CBLB: variants seen among roughly 807,000 people sequenced by gnomAD.
The protein encoded by CBLB is Cbl proto-oncogene B.
CBLB carries 31 observed loss-of-function variants against 104.9 expected under a neutral mutation model. The ratio of observed to expected loss-of-function variants is 0.30; its 90% confidence interval spans 0.22 to 0.40. CBLB has a LOEUF of 0.40. Among genes scored for constraint, CBLB ranks in the 10% least tolerant of loss-of-function variants. CBLB has a pLI of 1.00. For synonymous variants in CBLB, 440 were observed against 422.6 expected, an observed-to-expected ratio of 1.04 and a Z score of -0.51; for missense variants, 1,062 against 1,214.6, an observed-to-expected ratio of 0.87 and a Z score of 1.87.
intron 3 of CBLB, among the ~76,000 whole-genome samples, chr3:105,836,942 T>G (rs577516901): frequency 2.1e-5 from 3 of 144,288 alleles, no homozygotes; most frequent in African/African-American, 7.7e-5. Flanking sequence ...AAAGCTGATA[T>G]GCTCACATCA....
intron 17 of CBLB, among the ~76,000 whole-genome samples, chr3:105,675,216 C>T (rs188640758): frequency 6.6e-6 from 1 of 152,264 alleles, no homozygotes; most frequent in East Asian, 1.9e-4. Flanking sequence ...TATCATTACA[C>T]CAGACTAAGA....
chr3:105,780,704 C>T (rs2080154371), intron 3 of CBLB, among the ~76,000 whole-genome samples: 1 of 121,172 alleles, frequency 8.3e-6, no homozygotes, highest in African/African-American at 3.1e-5. Context: ...GCTCTGTCAC[C>T]CAGGCTAGAG....
intron 9 of CBLB, among the ~76,000 whole-genome samples, chr3:105,724,878 G>A (rs1202718235): frequency 6.6e-6 from 1 of 152,028 alleles, no homozygotes; most frequent in Non-Finnish European, 1.5e-5. Flanking sequence ...CAAGAAAAAG[G>A]GGTTTACTAG....
At chr3:105,694,114 A>G (rs2068048653) in intron 12 of CBLB, among the ~76,000 whole-genome samples, 1 of 152,000 alleles carries the variant, frequency 6.6e-6, no homozygotes, top group Non-Finnish European at 1.5e-5. Flanking sequence ...TGTGCTAATG[A>G]TAACTAGAGA....
chr3:105,702,907 TC>T, intron 11 of CBLB, among the ~76,000 whole-genome samples: 1 of 152,312 alleles, frequency 6.6e-6, no homozygotes, highest in Non-Finnish European at 1.5e-5. Flanking sequence ...AAAAGCTTTT[TC>T]TTTATTTTTG....
intron 14 of CBLB, among the ~76,000 whole-genome samples, chr3:105,683,770 T>C (rs751586232): frequency 1.6e-4 from 25 of 152,244 alleles, no homozygotes; most frequent in Admixed American, 6.5e-5. Context: ...GTCTTCTCAA[T>C]GATATGATTT....
chr3:105,664,343 T>C (rs2064137065), intron 18 of CBLB, among the ~76,000 whole-genome samples: 1 of 152,182 alleles, frequency 6.6e-6, no homozygotes. Context: ...TGGATTGTCA[T>C]ACAATAATTT....
chr3:105,843,365 C>T (rs1052095737), intron 3 of CBLB, among the ~76,000 whole-genome samples: 4 of 152,154 alleles, frequency 2.6e-5, no homozygotes, highest in Admixed American at 6.5e-5. Context: ...ATGGAAAACA[C>T]TTCCCAATTA....
intron 18 of CBLB, among the ~76,000 whole-genome samples, chr3:105,664,220 T>C (rs2064125656): frequency 6.6e-6 from 1 of 152,224 alleles, no homozygotes; most frequent in Non-Finnish European, 1.5e-5. Flanking sequence ...AGCTTCTGTA[T>C]ATCTAGGTCA....
chr3:105,763,441 T>A (rs527928759), intron 4 of CBLB, among the ~76,000 whole-genome samples: 1 of 152,078 alleles, frequency 6.6e-6, no homozygotes, highest in South Asian at 2.1e-4. Flanking sequence ...AAGGACCTAA[T>A]AGGAGGTATT....
At chr3:105,835,387 C>T (rs2088304846) in intron 3 of CBLB, among the ~76,000 whole-genome samples, 1 of 152,028 alleles carries the variant, frequency 6.6e-6, no homozygotes, top group Admixed American at 6.6e-5. Context: ...AAATGATCAC[C>T]ATAAAGAAAA....
At chr3:105,679,335 TTAAAAAA>T (rs1407166289) in intron 16 of CBLB, among the ~76,000 whole-genome samples, 9 of 75,134 alleles carry the variant, frequency 1.2e-4, no homozygotes, top group East Asian at 3.6e-4. Context: ...CCTTGAGTCT[TTAAAAAA>T]AAAAAAAAAA....
chr3:105,828,698 C>T (rs942688264), intron 3 of CBLB, among the ~76,000 whole-genome samples: 3 of 152,032 alleles, frequency 2.0e-5, no homozygotes, highest in African/African-American at 7.2e-5. Context: ...TACTATCTTT[C>T]CTTGAGTCAT....
intron 10 of CBLB, among the ~76,000 whole-genome samples, chr3:105,707,174 T>G (rs1007969369): frequency 6.6e-6 from 1 of 152,206 alleles, no homozygotes; most frequent in Non-Finnish European, 1.5e-5. Flanking sequence ...AGTAATAACC[T>G]TGAACTTTTA....
At chr3:105,763,807 T>C (rs531969731) in intron 4 of CBLB, among the ~76,000 whole-genome samples, 103 of 152,352 alleles carry the variant, frequency 6.8e-4, no homozygotes, top group African/African-American at 2.4e-3. Context: ...GTTTCATGTA[T>C]AGTGGCAGAA....
At chr3:105,755,548 TA>T (rs1203671418) in intron 4 of CBLB, among the ~76,000 whole-genome samples, 1 of 150,292 alleles carries the variant, frequency 6.7e-6, no homozygotes, top group African/African-American at 2.4e-5. Context: ...CACTAGTTCA[TA>T]AAAGGCTACA....
At chr3:105,827,506 G>GTT (rs2086776885) in intron 3 of CBLB, among the ~76,000 whole-genome samples, 1 of 152,088 alleles carries the variant, frequency 6.6e-6, no homozygotes, top group Non-Finnish European at 1.5e-5. Context: ...GTGTGTGTGT[G>GTT]TGTTCAGAAG....
chr3:105,857,890 G>A lies in CBLB; in HGVS notation c.169-4226C>T, dbSNP rs2091765297. Reference sequence around the variant, plus strand: ...GCTATGATGGAGGCAAGTACAAACTGCTACAGGAGAAAAGCAGCAGCTCAC... The same window carrying A: ...GCTATGATGGAGGCAAGTACAAACTACTACAGGAGAAAAGCAGCAGCTCAC... On this transcript the variant is annotated intron_variant, in intron 2 of 18. Coordinates refer to ENST00000394030, the MANE Select transcript of CBLB (RefSeq NM_170662.5). Among the ~76,000 whole-genome samples, 4 of 152,162 alleles carry A rather than the reference G, an allele frequency of 2.6e-5. No individual in the cohort carries two copies. The South Asian group carries it at 8.3e-4, about 32-fold the overall frequency.
At chr3:105,808,596 G>C (rs2083831722) in intron 3 of CBLB, among the ~76,000 whole-genome samples, 1 of 152,114 alleles carries the variant, frequency 6.6e-6, no homozygotes, top group African/African-American at 2.4e-5. Context: ...TTTGCAAATG[G>C]TAAACATATA....
Sources: allele counts gnomAD v4.1 joint callset (sites outside exome capture counted in the v4.1 genomes callset), GRCh38; gene constraint gnomAD v4.1.1; transcripts MANE v1.5; gene names NCBI Gene and HGNC (gene_info 2026-07-23, HGNC 2026-07-21).